The following DNAH14 variants were observed in gnomAD, a reference collection of about 807,000 sequenced individuals.
The protein encoded by DNAH14 is axonemal beta dynein heavy chain 14.
A neutral mutation model predicts 520.9 loss-of-function variants in DNAH14; 478 were observed. That is an observed-to-expected ratio of 0.92 (90% CI 0.85 to 0.99). DNAH14 has a LOEUF of 0.99. Ranked by LOEUF, DNAH14 falls within the 50% of genes least tolerant of loss-of-function variation. The pLI, the probability that DNAH14 is intolerant of heterozygous loss-of-function variation, is 0.00. For missense variants in DNAH14, 4,831 were observed against 5,234.5 expected, an observed-to-expected ratio of 0.92 and a Z score of 2.38; for synonymous variants, 1,581 against 1,757.2, an observed-to-expected ratio of 0.90 and a Z score of 2.51.
chr1:224,942,701 G>C (rs1571917823), intron 1 of DNAH14, among the ~76,000 whole-genome samples: 1 of 151,830 alleles, frequency 6.6e-6, no homozygotes, highest in African/African-American at 2.4e-5. Context: ...TTTATTCAGA[G>C]TTTTTAGCAT....
At chr1:225,378,879 C>CAA (rs113657495) in intron 79 of DNAH14, among the ~76,000 whole-genome samples, 70,055 of 135,134 alleles carry the variant, frequency 0.52, 20,331 homozygotes, top group East Asian at 0.74. Context: ...AACTCCGTCC[C>CAA]AAAAAAAAAA....
chr1:225,071,165 A>T (rs969193952), intron 17 of DNAH14, among the ~76,000 whole-genome samples: 1 of 152,120 alleles, frequency 6.6e-6, no homozygotes. Context: ...TAATTGGGAC[A>T]CTTAGTCCGT....
At chr1:225,111,246 A>G (rs540470098) in intron 23 of DNAH14, among the ~76,000 whole-genome samples, 9 of 152,086 alleles carry the variant, frequency 5.9e-5, no homozygotes, top group African/African-American at 1.4e-4. Flanking sequence ...ATTGTGGTCT[A>G]TCTCTCTCTT....
At position 225,058,819 on chromosome 1, in the gene DNAH14, G is replaced by T. The variant is rs1441393933; in HGVS notation, c.2424+7024G>T. Among the ~76,000 whole-genome samples the T allele has an allele frequency of 2.6e-5, 4 of 152,156 alleles. No homozygotes were observed. In the South Asian group the frequency reaches 6.2e-4, roughly 24 times the overall value. On this transcript the variant is annotated intron_variant, in intron 17 of 85. Coordinates refer to ENST00000682510, the MANE Select transcript of DNAH14 (RefSeq NM_001367479.1). ...TAGTCATTCAGGAGCAGGTTGTTCA[G>T]TTTCCATGTGGTTGAGCGGTTTTGA...
intron 55 of DNAH14, among the ~76,000 whole-genome samples, chr1:225,293,624 A>G (rs2150019689): frequency 6.6e-6 from 1 of 152,234 alleles, no homozygotes; most frequent in East Asian, 1.9e-4. Flanking sequence ...ATGAGAACAG[A>G]TGGACACAGA....
intron 37 of DNAH14, among the ~76,000 whole-genome samples, chr1:225,189,446 T>C (rs1442337368): frequency 6.6e-6 from 1 of 151,254 alleles, no homozygotes; most frequent in Admixed American, 6.6e-5. Flanking sequence ...TGAGTAGGAT[T>C]GGTGTTAATT....
chr1:225,140,699 A>G (rs1470735379), intron 27 of DNAH14, 69 bp from the exon 28 acceptor site: 1 of 1,198,562 alleles, frequency 8.3e-7, no homozygotes, highest in East Asian at 2.6e-5. Flanking sequence ...TTTAATTTGA[A>G]TAAAATTTAT....
Position 225,346,617 on chromosome 1 carries a change from A to G in DNAH14, c.11259A>G (p.Ile3753Met). 6.5e-7 allele frequency: 1 copy of G among 1,549,576 alleles called. No homozygotes were observed. Among genetic ancestry groups the G allele is most frequent in the Non-Finnish European group, 8.7e-7 (1 of 1,145,728 alleles). Residue 3753 changes from isoleucine to methionine, a missense_variant, in exon 71 of 86, where the codon ATA becomes ATG. Coordinates refer to ENST00000682510, the MANE Select transcript of DNAH14 (RefSeq NM_001367479.1). Reference protein sequence around the residue: ...WNIFLYSGILINIKSALSQSR... With the variant: ...WNIFLYSGILMNIKSALSQSR... Reference sequence around the variant, plus strand: ...TCTTTTTATATTCTGGCATATTGATAAATATTAAAAGTGCATTATCCCAGT... The same window carrying G: ...TCTTTTTATATTCTGGCATATTGATGAATATTAAAAGTGCATTATCCCAGT...
At chr1:225,192,282 C>T (rs1407900935) in intron 37 of DNAH14, among the ~76,000 whole-genome samples, 1 of 152,030 alleles carries the variant, frequency 6.6e-6, no homozygotes, top group African/African-American at 2.4e-5. Context: ...AAAACGAGAC[C>T]AGATATTCTG....
In DNAH14 at chr1:225,080,632, A is replaced by G. The variant is rs1011299217; in HGVS notation, c.3020A>G (p.Glu1007Gly). 2 of 1,552,048 alleles carry G rather than the reference A, an allele frequency of 1.3e-6. No homozygotes were observed. The highest frequency in any genetic ancestry group is 1.7e-6 in the Non-Finnish European group (2 of 1,147,056). ...TLRKKLWEAQ[E>G]EWKRASWEWR... Reference sequence around the variant, plus strand: ...AGGAAAAAACTATGGGAAGCACAAGAGGAGTGGAAGCGAGCCTCTTGGGAA... The same window carrying G: ...AGGAAAAAACTATGGGAAGCACAAGGGGAGTGGAAGCGAGCCTCTTGGGAA... The change falls in exon 19 of 86, where the codon GAG (glutamate) becomes GGG (glycine). Residue 1007 changes from glutamate (E) to glycine (G), a missense_variant. Coordinates refer to ENST00000682510, the MANE Select transcript of DNAH14 (RefSeq NM_001367479.1).
At chr1:225,122,732 G>C (rs1042287436) in intron 26 of DNAH14, among the ~76,000 whole-genome samples, 1 of 152,086 alleles carries the variant, frequency 6.6e-6, no homozygotes, top group Non-Finnish European at 1.5e-5. Context: ...ATACTGCTTT[G>C]AAATGTATAA....
At chr1:225,035,554 G>A (rs571857943) in intron 11 of DNAH14, among the ~76,000 whole-genome samples, 160 of 151,284 alleles carry the variant, frequency 1.1e-3, no homozygotes, top group African/African-American at 3.4e-3. Flanking sequence ...TTCCCTGTTA[G>A]TACTGCTTTT....
At chr1:225,323,861 G>A (rs954403663) in intron 62 of DNAH14, among the ~76,000 whole-genome samples, 4 of 150,664 alleles carry the variant, frequency 2.7e-5, no homozygotes, top group African/African-American at 4.9e-5. Context: ...CTGTGCACTC[G>A]CTGGAGTGCA....
intron 27 of DNAH14, among the ~76,000 whole-genome samples, chr1:225,137,126 C>A (rs888564369): frequency 1.3e-4 from 20 of 152,164 alleles, no homozygotes; most frequent in African/African-American, 4.6e-4. Context: ...TTAGTTATTA[C>A]CCACCTTCTG....
intron 27 of DNAH14, among the ~76,000 whole-genome samples, chr1:225,128,892 T>C (rs1475116405): frequency 1.3e-5 from 2 of 150,696 alleles, no homozygotes; most frequent in Non-Finnish European, 2.9e-5. Context: ...TGTTTGCAGA[T>C]GACATGATTG....
intron 8 of DNAH14, among the ~76,000 whole-genome samples, chr1:224,989,460 GT>G (rs150385557): frequency 3.3e-5 from 5 of 151,900 alleles, no homozygotes; most frequent in Non-Finnish European, 5.9e-5. Context: ...AGTTCTAGGA[GT>G]TTTTTAATAT....
intron 8 of DNAH14, 133 bp downstream of exon 8, chr1:224,974,286 T>C (rs1010175761): frequency 6.2e-6 from 3 of 485,818 alleles, no homozygotes; most frequent in Admixed American, 4.4e-5. Flanking sequence ...CGATTAAACT[T>C]AACCCATTTT....
At chr1:225,279,497 T>C (rs1300067794) in intron 54 of DNAH14, among the ~76,000 whole-genome samples, 1 of 152,066 alleles carries the variant, frequency 6.6e-6, no homozygotes, top group Non-Finnish European at 1.5e-5. Context: ...AGAGAATAAA[T>C]AATAAAATAA....
intron 5 of DNAH14, among the ~76,000 whole-genome samples, chr1:224,965,056 A>AT (rs1194428418): frequency 6.6e-6 from 1 of 151,806 alleles, no homozygotes; most frequent in African/African-American, 2.4e-5. Context: ...TATGCTATTC[A>AT]TTTTTTTCTT....
Sources: gnomAD v4.1 joint callset for allele counts (sites outside exome capture counted in the v4.1 genomes callset) on GRCh38, gnomAD v4.1.1 for gene constraint, MANE v1.5 for transcripts, NCBI Gene and HGNC (gene_info 2026-07-23, HGNC 2026-07-21) for gene names.